Variants in SH3BP5 observed in about 807,000 individuals in gnomAD.
The protein encoded by SH3BP5 is SH3 domain-binding protein 5.
A neutral mutation model predicts 43.3 loss-of-function variants in SH3BP5; 22 were observed. The observed-to-expected ratio is 0.51, with a 90% CI of 0.36 to 0.73. The LOEUF (loss-of-function observed/expected upper bound fraction) is 0.73, where lower values mean the gene tolerates loss of function less well. Among genes scored for constraint, SH3BP5 ranks in the 30% least tolerant of loss-of-function variants. SH3BP5 has a pLI of 0.00. For synonymous variants in SH3BP5, 255 were observed against 225.8 expected (o/e 1.13, Z -1.16); for missense variants, 529 against 586.9 (o/e 0.90, Z 1.02).
chr3:15,310,914 C>T (rs1039795606), intron 2 of SH3BP5, among the ~76,000 whole-genome samples: 2 of 152,156 alleles, frequency 1.3e-5, no homozygotes, highest in African/African-American at 4.8e-5. Context: ...CCAGCCAGCA[C>T]CAGTATACAG....
upstream of SH3BP5, among the ~76,000 whole-genome samples, chr3:15,337,354 C>T (rs1286483915): frequency 1.3e-5 from 2 of 151,968 alleles, no homozygotes; most frequent in Non-Finnish European, 1.5e-5. Context: ...GGATTACAGG[C>T]GAGAGCCACC....
In SH3BP5 at chr3:15,258,818, G is replaced by GC; in HGVS notation, c.889+12dup. ...GATATCTCCCCACATACCCAGTGGA[G>GC]CCCCTGACTTACCAGAAATGGCATC... On this transcript the variant is annotated intron_variant, in intron 7 of 8. Coordinates refer to ENST00000383791, the MANE Select transcript of SH3BP5 (RefSeq NM_004844.5). 6.2e-7 allele frequency: 1 copy of GC among 1,604,176 alleles called. No individual in the cohort carries two copies. The highest frequency in any genetic ancestry group is 8.5e-7 in the Non-Finnish European group (1 of 1,171,602).
chr3:15,279,634 A>G (rs577427200), intron 3 of SH3BP5, among the ~76,000 whole-genome samples: 17 of 152,286 alleles, frequency 1.1e-4, no homozygotes, highest in Admixed American at 1.1e-3. Context: ...TGGTAATAGA[A>G]GCTGGATGAC....
intron 3 of SH3BP5, among the ~76,000 whole-genome samples, chr3:15,299,414 T>C (rs552037167): frequency 1.3e-5 from 2 of 151,214 alleles, no homozygotes; most frequent in Non-Finnish European, 2.9e-5. Flanking sequence ...AATGAGCTCA[T>C]ATCAGGAAAA....
At chr3:15,333,260 G>A (rs371642784), upstream of SH3BP5, 22 of 985,374 alleles carry the variant, frequency 2.2e-5, no homozygotes, top group South Asian at 6.6e-4. Flanking sequence ...CATCCGAAAA[G>A]GCCAAACTGA....
At chr3:15,271,358 G>A (rs1696792956) in intron 3 of SH3BP5, among the ~76,000 whole-genome samples, 1 of 152,118 alleles carries the variant, frequency 6.6e-6, no homozygotes, top group South Asian at 2.1e-4. Flanking sequence ...ATGAGCCCCT[G>A]CTTCTTAAAT....
At chr3:15,332,810 C>A (rs1159807997), upstream of SH3BP5, among the ~76,000 whole-genome samples, 1 of 152,172 alleles carries the variant, frequency 6.6e-6, no homozygotes, top group Non-Finnish European at 1.5e-5. Context: ...GCAAGCCTCC[C>A]GCTTTCGGGA....
upstream of SH3BP5, among the ~76,000 whole-genome samples, chr3:15,335,326 CGA>C (rs926440846): frequency 1.3e-5 from 2 of 151,860 alleles, no homozygotes; most frequent in Non-Finnish European, 2.9e-5. Context: ...TGCAGTGAAC[CGA>C]GATGATACCA....
At chr3:15,308,479 G>A (rs1437477595) in intron 2 of SH3BP5, among the ~76,000 whole-genome samples, 1 of 152,234 alleles carries the variant, frequency 6.6e-6, no homozygotes. Flanking sequence ...CACACGTTGA[G>A]CAACAGACAC....
intron 2 of SH3BP5, among the ~76,000 whole-genome samples, chr3:15,313,015 G>A (rs556136891): frequency 2.0e-5 from 3 of 152,290 alleles, no homozygotes; most frequent in South Asian, 2.1e-4. Context: ...AGGCCAAGGC[G>A]GGTGGATCAC....
chr3:15,310,905 C>T (rs912585338), intron 2 of SH3BP5, among the ~76,000 whole-genome samples: 3 of 152,130 alleles, frequency 2.0e-5, no homozygotes, highest in African/African-American at 7.2e-5. Context: ...TAAACCACAC[C>T]AGCCAGCACC....
chr3:15,271,161 T>C (rs928029102), intron 3 of SH3BP5, among the ~76,000 whole-genome samples: 1 of 151,814 alleles, frequency 6.6e-6, no homozygotes, highest in Non-Finnish European at 1.5e-5. Flanking sequence ...GAGGACCACT[T>C]GAGGCCAGGT....
chr3:15,282,350 T>C (rs1697154207), intron 3 of SH3BP5, among the ~76,000 whole-genome samples: 2 of 152,236 alleles, frequency 1.3e-5, no homozygotes, highest in Non-Finnish European at 2.9e-5. Flanking sequence ...AGCAGACTAG[T>C]TAACCACAAG....
intron 3 of SH3BP5, among the ~76,000 whole-genome samples, chr3:15,281,617 A>C (rs1697131918): frequency 6.6e-6 from 1 of 152,036 alleles, no homozygotes; most frequent in Admixed American, 6.6e-5. Flanking sequence ...TCCTCCAGTA[A>C]CTGCTCCCCA....
At chr3:15,317,862 T>C (rs925705329) in intron 2 of SH3BP5, among the ~76,000 whole-genome samples, 2 of 152,242 alleles carry the variant, frequency 1.3e-5, no homozygotes, top group Admixed American at 1.3e-4. Flanking sequence ...CAAGGAGCTA[T>C]ACCTGATTAA....
intron 3 of SH3BP5, among the ~76,000 whole-genome samples, chr3:15,271,975 G>C (rs1178426792): frequency 6.6e-6 from 1 of 151,916 alleles, no homozygotes; most frequent in Non-Finnish European, 1.5e-5. Context: ...ACCCTCCCTC[G>C]GTTAACCACA....
intron 4 of SH3BP5, among the ~76,000 whole-genome samples, chr3:15,268,788 G>A (rs1696714140): frequency 6.6e-6 from 1 of 152,198 alleles, no homozygotes. Flanking sequence ...GGTATCTGGA[G>A]ATAGGGCCTT....
chr3:15,258,964 C>CA lies in SH3BP5; in HGVS notation c.755dup (p.Met252IlefsTer5), dbSNP rs1696328026. ...GCCGCTCGTGGATCTCATCTGAGATCATCTCCAGGTTCTTCAGGGCCATCT... is the reference window on the plus strand; with the variant it reads ...GCCGCTCGTGGATCTCATCTGAGATCAATCTCCAGGTTCTTCAGGGCCATCT... On this transcript the variant is annotated frameshift_variant, in exon 7 of 9. Transcript: ENST00000383791. LOFTEE classifies it high-confidence loss of function. 2 of 1,614,078 alleles carry CA rather than the reference C, an allele frequency of 1.2e-6. No individual in the cohort carries two copies. The highest frequency in any genetic ancestry group is 1.3e-5 in the African/African-American group (1 of 74,936).
intron 2 of SH3BP5, among the ~76,000 whole-genome samples, chr3:15,323,220 G>C (rs780677058): frequency 6.6e-6 from 1 of 152,180 alleles, no homozygotes; most frequent in Non-Finnish European, 1.5e-5. Flanking sequence ...AGGCCACAGC[G>C]CAACGCCCTG....
Sources: allele counts gnomAD v4.1 joint callset (sites outside exome capture counted in the v4.1 genomes callset), GRCh38; gene constraint gnomAD v4.1.1; transcripts MANE v1.5; gene names NCBI Gene and HGNC (gene_info 2026-07-23, HGNC 2026-07-21).